The following ANGPTL5 variants were observed in gnomAD, a reference collection of about 807,000 sequenced individuals.
ANGPTL5 encodes angiopoietin like 5, also known as angiopoietin-related protein 5.
A neutral mutation model predicts 39.4 loss-of-function variants in ANGPTL5; 34 were observed. The observed-to-expected ratio is 0.86, with a 90% CI of 0.66 to 1.15. ANGPTL5 has a LOEUF of 1.15. ANGPTL5 is among the 50% of genes most tolerant of loss of function. The pLI is 0.00. For synonymous variants in ANGPTL5, 146 were observed against 152.1 expected, an observed-to-expected ratio of 0.96 and a Z score of 0.29; for missense variants, 467 against 457.5, an observed-to-expected ratio of 1.02 and a Z score of -0.19.
chr11:101,911,369 C>T (rs1940090113), intron 1 of ANGPTL5, among the ~76,000 whole-genome samples: 1 of 151,948 alleles, frequency 6.6e-6, no homozygotes, highest in Admixed American at 6.6e-5. Flanking sequence ...GGTGATCCAC[C>T]TGTCTTGGCC....
chr11:101,897,718 C>A (rs1939824943), intron 7 of ANGPTL5, among the ~76,000 whole-genome samples: 1 of 152,078 alleles, frequency 6.6e-6, no homozygotes, highest in South Asian at 2.1e-4. Flanking sequence ...GTCCATATAT[C>A]TGTTTTGGTA....
chr11:101,891,186 C>G lies in ANGPTL5; in HGVS notation c.*93G>C, dbSNP rs1939684974. ...AATGCCATCTACAGTTAAATTTTGCCTAATATGTTTGAAACACTAAGTGAA... is the reference window on the plus strand; with the variant it reads ...AATGCCATCTACAGTTAAATTTTGCGTAATATGTTTGAAACACTAAGTGAA... On this transcript the variant is annotated 3_prime_UTR_variant, in exon 9 of 9. Transcript: ENST00000334289. 14 of 1,223,948 alleles carry G rather than the reference C, an allele frequency of 1.1e-5. No individual in the cohort carries two copies. Among genetic ancestry groups the G allele is most frequent in the Non-Finnish European group, 1.6e-5 (14 of 892,448 alleles). The allele number at this position is 1,223,948 out of a possible 1,614,324, so 75.8% of individuals were successfully genotyped here.
At chr11:101,901,130 G>A (rs1170167551) in intron 6 of ANGPTL5, among the ~76,000 whole-genome samples, 3 of 149,450 alleles carry the variant, frequency 2.0e-5, no homozygotes, top group Admixed American at 6.7e-5. Context: ...TCCCGCCTCC[G>A]CCTCCCAGAG....
rs189579678 is a variant in ANGPTL5 at position 101,913,701 on chromosome 11, G to A, written c.-93+2318C>T. Among the ~76,000 whole-genome samples, 6 of 152,174 alleles carry A rather than the reference G, an allele frequency of 3.9e-5. No homozygotes were observed. In the East Asian group the frequency reaches 1.2e-3, roughly 29 times the overall value. On this transcript the variant is annotated intron_variant, in intron 1 of 8. Transcript: ENST00000334289. ...CAAACTAATAATATAGCAAAAGCTGGACTTCTGGAAAGCTAACCATGCCTA... is the reference window on the plus strand; with the variant it reads ...CAAACTAATAATATAGCAAAAGCTGAACTTCTGGAAAGCTAACCATGCCTA...
intron 7 of ANGPTL5, among the ~76,000 whole-genome samples, chr11:101,896,614 T>G (rs1591252212): frequency 6.6e-6 from 1 of 152,274 alleles, no homozygotes; most frequent in African/African-American, 2.4e-5. Context: ...GTGTTTGGTT[T>G]TCTGTTCCTG....
rs74391121 is a variant in ANGPTL5 at position 101,914,743 on chromosome 11, T to C, written c.-93+1276A>G. Among the ~76,000 whole-genome samples, 18 of 152,294 alleles carry C rather than the reference T, an allele frequency of 1.2e-4. No homozygotes were observed. The East Asian group carries it at 3.5e-3, about 29-fold the overall frequency. ...CACTGCAGACTCCTCCCGGTGGCAA[T>C]TGCCTGTATCTGAGGATTTTACATC... is the stretch of plus-strand genomic sequence containing the variant. On this transcript the variant is annotated intron_variant, in intron 1 of 8. Coordinates refer to ENST00000334289, the MANE Select transcript of ANGPTL5 (RefSeq NM_178127.5).
intron 1 of ANGPTL5, among the ~76,000 whole-genome samples, chr11:101,908,483 A>T (rs891767286): frequency 6.6e-6 from 1 of 152,184 alleles, no homozygotes; most frequent in Non-Finnish European, 1.5e-5. Context: ...TACTTTTAAA[A>T]TGCCAAATCT....
At position 101,905,823 on chromosome 11, in the gene ANGPTL5, G is replaced by C. The variant is rs748419339; in HGVS notation, c.266C>G (p.Ser89Cys). The change falls in exon 4 of 9, where the codon TCC becomes TGC. Residue 89 changes from serine (S) to cysteine (C), a missense_variant. Ser to Cys is a moderately radical substitution (Grantham distance 112, BLOSUM62 -1). Coordinates refer to ENST00000334289, the MANE Select transcript of ANGPTL5 (RefSeq NM_178127.5). ...MCRNLQNSIV[S>C]YTRSTKKLLR... ...TAGTTTTTTGGTACTTCTTGTGTAG[G>C]AAACAATAGAATTTTGCAAATTTCC... The C allele has an allele frequency of 2.5e-6, 4 of 1,610,278 alleles. No homozygotes were observed. The highest frequency in any genetic ancestry group is 3.4e-6 in the Non-Finnish European group (4 of 1,177,988).
At chr11:101,898,905 G>C (rs895632396) in intron 7 of ANGPTL5, among the ~76,000 whole-genome samples, 1 of 152,204 alleles carries the variant, frequency 6.6e-6, no homozygotes, top group South Asian at 2.1e-4. Context: ...AGATAATCAT[G>C]TAATTTTCGT....
intron 1 of ANGPTL5, among the ~76,000 whole-genome samples, chr11:101,913,487 C>T (rs1940128289): frequency 6.6e-6 from 1 of 152,224 alleles, no homozygotes; most frequent in African/African-American, 2.4e-5. Flanking sequence ...TGGAGGCACA[C>T]TCCCAGCTTG....
At position 101,899,498 on chromosome 11, in the gene ANGPTL5, C is replaced by T. The variant is rs564943278; in HGVS notation, c.661+932G>A. On this transcript the variant is annotated intron_variant, in intron 7 of 8. Coordinates refer to ENST00000334289, the MANE Select transcript of ANGPTL5 (RefSeq NM_178127.5). Reference sequence around the variant, plus strand: ...GTTAGTCAAAACTCATATTCTTTCCCCATAGAAATAAATTTGAAGTAAGGA... The same window carrying T: ...GTTAGTCAAAACTCATATTCTTTCCTCATAGAAATAAATTTGAAGTAAGGA... Among the ~76,000 whole-genome samples the T allele has an allele frequency of 2.2e-4, 34 of 152,268 alleles. No homozygotes were observed. In the South Asian group the frequency reaches 6.4e-3, roughly 29 times the overall value.
At chr11:101,892,385 C>T (rs1245596057) in intron 8 of ANGPTL5, among the ~76,000 whole-genome samples, 4 of 152,070 alleles carry the variant, frequency 2.6e-5, no homozygotes, top group Non-Finnish European at 2.9e-5. Context: ...CACACACCAC[C>T]ACACCCAGCT....
At chr11:101,910,385 GAAC>G (rs1251714469) in intron 1 of ANGPTL5, among the ~76,000 whole-genome samples, 1 of 131,692 alleles carries the variant, frequency 7.6e-6, no homozygotes, top group Admixed American at 8.2e-5. Context: ...ACTCCAGCCT[GAAC>G]AACAAGAGCA....
intron 6 of ANGPTL5, 111 bp from the exon 7 acceptor site, chr11:101,900,661 G>T: frequency 1.8e-6 from 2 of 1,096,172 alleles, no homozygotes; most frequent in Non-Finnish European, 2.7e-6. Context: ...TACTGCCACT[G>T]AGTTTTCAAT....
At chr11:101,905,959 T>A in intron 3 of ANGPTL5, 112 bp from the exon 4 acceptor site, 1 of 664,126 alleles carries the variant, frequency 1.5e-6, no homozygotes, top group South Asian at 1.7e-5. Flanking sequence ...CTCAATACTA[T>A]CTCAATTTAT....
At chr11:101,907,609 A>G (rs1940020764) in intron 2 of ANGPTL5, among the ~76,000 whole-genome samples, 1 of 152,126 alleles carries the variant, frequency 6.6e-6, no homozygotes, top group Non-Finnish European at 1.5e-5. Flanking sequence ...AAATATTTTC[A>G]TATCTGTTGA....
chr11:101,903,878 C>T (rs995410410), intron 5 of ANGPTL5, among the ~76,000 whole-genome samples: 2 of 120,310 alleles, frequency 1.7e-5, no homozygotes, highest in Non-Finnish European at 3.7e-5. Flanking sequence ...GCCTGTGATT[C>T]GGGCATTTTT....
intron 5 of ANGPTL5, among the ~76,000 whole-genome samples, chr11:101,903,665 C>A (rs1226154201): frequency 6.6e-6 from 1 of 152,058 alleles, no homozygotes; most frequent in Non-Finnish European, 1.5e-5. Context: ...TTGCCTGTAT[C>A]CTTAATTGTT....
chr11:101,907,075 T>C (rs777978364), intron 3 of ANGPTL5, 28 bp downstream of exon 3: 1 of 1,460,612 alleles, frequency 6.8e-7, no homozygotes, highest in Admixed American at 1.8e-5. Flanking sequence ...CATATACTCT[T>C]ATTATTTTGT....
Sources: allele counts gnomAD v4.1 joint callset (sites outside exome capture counted in the v4.1 genomes callset), GRCh38; gene constraint gnomAD v4.1.1; transcripts MANE v1.5; gene names NCBI Gene and HGNC (gene_info 2026-07-23, HGNC 2026-07-21).